Variants in CTNNBL1 observed in about 807,000 individuals in gnomAD.
The protein encoded by CTNNBL1 is beta-catenin-like protein 1.
A neutral mutation model predicts 72.7 loss-of-function variants in CTNNBL1; 31 were observed. That is an observed-to-expected ratio of 0.43 (90% CI 0.32 to 0.58). The LOEUF (loss-of-function observed/expected upper bound fraction) is 0.58, where lower values mean the gene tolerates loss of function less well. Ranked by LOEUF, CTNNBL1 falls within the 20% of genes least tolerant of loss-of-function variation. The probability of loss-of-function intolerance (pLI) is 0.08; values close to 1 mark genes in which losing one functional copy is unlikely to be tolerated. For missense variants in CTNNBL1, 534 were observed against 725.1 expected (o/e 0.74, Z 3.03); for synonymous variants, 240 against 267.3 (o/e 0.90, Z 1.00).
chr20:37,854,506 G>T (rs1014514377), intron 13 of CTNNBL1, among the ~76,000 whole-genome samples: 2 of 151,144 alleles, frequency 1.3e-5, no homozygotes, highest in African/African-American at 4.9e-5. Flanking sequence ...TTCTGCCTGA[G>T]CCAGCTTCCT....
chr20:37,826,341 A>G (rs1450960390), intron 11 of CTNNBL1, among the ~76,000 whole-genome samples: 1 of 152,256 alleles, frequency 6.6e-6, no homozygotes, highest in East Asian at 1.9e-4. Context: ...GAACAGTGAA[A>G]ACAAGTGAGT....
At chr20:37,814,549 C>A (rs1176855197) in intron 11 of CTNNBL1, among the ~76,000 whole-genome samples, 5 of 152,122 alleles carry the variant, frequency 3.3e-5, no homozygotes, top group Non-Finnish European at 7.3e-5. Flanking sequence ...AGCATTCTGG[C>A]CTTTCTCTCT....
intron 1 of CTNNBL1, among the ~76,000 whole-genome samples, chr20:37,717,226 G>GA (rs1334820788): frequency 1.3e-5 from 2 of 152,170 alleles, no homozygotes; most frequent in Non-Finnish European, 2.9e-5. Context: ...ATAACTTGTA[G>GA]AAAAAATAAT....
rs139609899 is a variant in CTNNBL1, at chr20:37,743,755, C to G, written c.327-2713C>G. Among the ~76,000 whole-genome samples the G allele has an allele frequency of 3.9e-4, 59 of 152,214 alleles. 1 individual carries two copies. Among genetic ancestry groups the G allele is most frequent in the African/African-American group, 1.4e-3 (57 of 41,538 alleles). The stretch of plus-strand genomic sequence containing the variant: ...AAAGATAGATTATAGTATTGGAGCA[C>G]TTGGCCAAACATTTGCAGAAAATAA... On this transcript the variant is annotated intron_variant, in intron 3 of 15. Transcript: ENST00000361383.
chr20:37,724,030 C>T (rs1863021502), intron 1 of CTNNBL1, among the ~76,000 whole-genome samples: 1 of 152,162 alleles, frequency 6.6e-6, no homozygotes, highest in African/African-American at 2.4e-5. Context: ...CCACTCACTA[C>T]CATCTGGTAA....
intron 1 of CTNNBL1, among the ~76,000 whole-genome samples, chr20:37,704,645 A>T (rs2072870566): frequency 6.6e-6 from 1 of 151,944 alleles, no homozygotes; most frequent in Admixed American, 6.6e-5. Flanking sequence ...CAGGAGATTG[A>T]TGTTGCAATG....
At chr20:37,804,288 T>G (rs910944204) in intron 11 of CTNNBL1, among the ~76,000 whole-genome samples, 1 of 152,198 alleles carries the variant, frequency 6.6e-6, no homozygotes, top group Non-Finnish European at 1.5e-5. Context: ...CCTGGAGGTC[T>G]AGGAGATAAA....
intron 5 of CTNNBL1, among the ~76,000 whole-genome samples, chr20:37,760,633 T>G (rs1008315873): frequency 3.3e-5 from 5 of 152,246 alleles, no homozygotes; most frequent in Non-Finnish European, 7.3e-5. Context: ...CCATACTGTT[T>G]CTTTCTCTGT....
intron 3 of CTNNBL1, among the ~76,000 whole-genome samples, chr20:37,742,286 G>A (rs374330441): frequency 2.7e-4 from 41 of 152,254 alleles, no homozygotes; most frequent in African/African-American, 9.1e-4. Flanking sequence ...TAAAACCACC[G>A]TAGCACTTGT....
At chr20:37,868,266 G>A (rs1217021005) in intron 15 of CTNNBL1, among the ~76,000 whole-genome samples, 2 of 146,208 alleles carry the variant, frequency 1.4e-5, no homozygotes, top group African/African-American at 5.1e-5. Flanking sequence ...GTGAGGACCG[G>A]CCCCCTCCCA....
chr20:37,788,889 C>T (rs773168387), intron 10 of CTNNBL1, among the ~76,000 whole-genome samples: 3 of 152,204 alleles, frequency 2.0e-5, no homozygotes, highest in Admixed American at 6.5e-5. Flanking sequence ...TTTTCCCTGT[C>T]ACACAGGTGA....
Position 37,840,296 on chromosome 20 carries a change from C to G in CTNNBL1, c.1311+97C>G, listed in dbSNP as rs1600521330. 2.2e-5 allele frequency: 19 copies of G among 875,178 alleles called. No individual in the cohort carries two copies. The East Asian group carries it at 4.8e-4, about 22-fold the overall frequency. The allele number at this position is 875,178 out of a possible 1,614,324, so 54.2% of individuals were successfully genotyped here. On this transcript the variant is annotated intron_variant, in intron 12 of 15. Transcript: ENST00000361383. The stretch of plus-strand genomic sequence containing the variant: ...GGATACTGGGTTGAGTGGTCCTACC[C>G]TAAAATTCTCTTTTCTGGCACCTGG...
At chr20:37,738,281 A>T (rs6020581) in intron 3 of CTNNBL1, among the ~76,000 whole-genome samples, 49,779 of 152,174 alleles carry the variant, frequency 0.33, 8,273 homozygotes, top group African/African-American at 0.35. Flanking sequence ...GTATAAGGAA[A>T]TAATGCCTTC....
intron 15 of CTNNBL1, among the ~76,000 whole-genome samples, chr20:37,864,454 G>A (rs1279760583): frequency 6.6e-6 from 1 of 152,048 alleles, no homozygotes; most frequent in East Asian, 1.9e-4. Context: ...AGCCCAGCGG[G>A]GGACTTTTCC....
At chr20:37,721,877 T>C (rs183111137) in intron 1 of CTNNBL1, among the ~76,000 whole-genome samples, 4 of 152,364 alleles carry the variant, frequency 2.6e-5, no homozygotes, top group African/African-American at 9.6e-5. Flanking sequence ...GGAGTAGAAC[T>C]ACTGGGATAG....
intron 13 of CTNNBL1, among the ~76,000 whole-genome samples, chr20:37,845,296 T>C (rs1255430165): frequency 6.6e-6 from 1 of 152,152 alleles, no homozygotes; most frequent in African/African-American, 2.4e-5. Context: ...TTAGGAAACT[T>C]GGCCTGCTTC....
chr20:37,768,473 A>G (rs1035482654), intron 7 of CTNNBL1, among the ~76,000 whole-genome samples: 3 of 152,238 alleles, frequency 2.0e-5, no homozygotes, highest in African/African-American at 7.2e-5. Flanking sequence ...ATTATTGCCT[A>G]GTTAGTATTC....
At chr20:37,856,161 C>T (rs775260760) in intron 13 of CTNNBL1, among the ~76,000 whole-genome samples, 4 of 148,966 alleles carry the variant, frequency 2.7e-5, no homozygotes, top group Non-Finnish European at 5.9e-5. Flanking sequence ...CGCTTGAACC[C>T]GGCACTCCAG....
intron 5 of CTNNBL1, among the ~76,000 whole-genome samples, chr20:37,761,070 T>C (rs1196435557): frequency 6.6e-6 from 1 of 151,322 alleles, no homozygotes; most frequent in Non-Finnish European, 1.5e-5. Flanking sequence ...CAGTGTTCTG[T>C]GGACATGAAG....
Sources: allele counts gnomAD v4.1 joint callset (sites outside exome capture counted in the v4.1 genomes callset), GRCh38; gene constraint gnomAD v4.1.1; transcripts MANE v1.5; gene names NCBI Gene and HGNC (gene_info 2026-07-23, HGNC 2026-07-21).